The following STT3B variants were observed in gnomAD, a reference collection of about 807,000 sequenced individuals.
The protein encoded by STT3B is STT3 oligosaccharyltransferase complex catalytic subunit B.
STT3B carries 29 observed loss-of-function variants against 96.8 expected under a neutral mutation model. The observed-to-expected ratio is 0.30, with a 90% confidence interval of 0.22 to 0.41. STT3B has a LOEUF of 0.41. Ranked by LOEUF, STT3B falls within the 10% of genes least tolerant of loss-of-function variation. The pLI is 1.00. For missense variants in STT3B, 640 were observed against 1,022.3 expected (o/e 0.63, Z 5.10); for synonymous variants, 367 against 360.0 (o/e 1.02, Z -0.22).
In STT3B at chr3:31,629,645, A is replaced by T. The variant is rs72856088; in HGVS notation, c.2187+234A>T. Among the ~76,000 whole-genome samples the T allele has an allele frequency of 2.6e-3, 403 of 152,324 alleles. 2 individuals carry two copies. The highest frequency in any genetic ancestry group is 9.5e-3 in the African/African-American group (395 of 41,572). ...AACATATTTATTAACAGTAGCCTCA[A>T]ATCCAATCTTTGCTTGCCATCTCAC... is the stretch of plus-strand genomic sequence containing the variant. On this transcript the variant is annotated intron_variant, in intron 14 of 15. Coordinates refer to ENST00000295770, the MANE Select transcript of STT3B (RefSeq NM_178862.3).
rs575954869 is a variant in STT3B, at chr3:31,625,114, A to G, written c.1899+29A>G. Reference sequence around the variant, plus strand: ...AGGATTTACTAAATACAAGGTTAAAAAATCTTTATTCACTCCTTAGCAATC... The same window carrying G: ...AGGATTTACTAAATACAAGGTTAAAGAATCTTTATTCACTCCTTAGCAATC... On this transcript the variant is annotated intron_variant, in intron 12 of 15. Transcript: ENST00000295770. 5 of 1,594,320 alleles carry G rather than the reference A, an allele frequency of 3.1e-6. No homozygotes were observed. The African/African-American group carries it at 6.7e-5, about 21-fold the overall frequency.
chr3:31,584,516 A>G (rs1329508223), intron 3 of STT3B, among the ~76,000 whole-genome samples: 3 of 152,266 alleles, frequency 2.0e-5, no homozygotes, highest in Non-Finnish European at 2.9e-5. Context: ...GTAGAATACA[A>G]TATGGAGCAG....
chr3:31,542,459 G>A (rs1162529841), intron 1 of STT3B, among the ~76,000 whole-genome samples: 1 of 152,148 alleles, frequency 6.6e-6, no homozygotes, highest in Admixed American at 6.5e-5. Context: ...TTGCATTTCT[G>A]TCATAGTTAA....
At chr3:31,566,542 T>C (rs1207899516) in intron 1 of STT3B, among the ~76,000 whole-genome samples, 2 of 152,170 alleles carry the variant, frequency 1.3e-5, no homozygotes, top group African/African-American at 2.4e-5. Flanking sequence ...TTGAACATCT[T>C]TTTCTTCCTT....
chr3:31,596,724 A>T, intron 3 of STT3B, 74 bp from the exon 4 acceptor site: 1 of 1,204,942 alleles, frequency 8.3e-7, no homozygotes, highest in Non-Finnish European at 1.2e-6. Context: ...GTGGTTACCA[A>T]ACATTTAACT....
At chr3:31,628,168 A>G (rs1699574271) in intron 13 of STT3B, among the ~76,000 whole-genome samples, 1 of 150,034 alleles carries the variant, frequency 6.7e-6, no homozygotes, top group Non-Finnish European at 1.5e-5. Context: ...TGCATATTTC[A>G]AAACATGGTG....
chr3:31,533,124 C>T lies in STT3B; in HGVS notation c.126C>T (p.His42=), dbSNP rs1344561144. The part of the protein sequence containing the change: ...GHHGPGAQCA[H]KAAGGAAPPK... ...ACGGGCCCGGGGCCCAGTGCGCGCA[C>T]AAGGCGGCGGGCGGCGCGGCGCCGC... is the stretch of plus-strand genomic sequence containing the variant. The change falls in exon 1 of 16, where the codon CAC becomes CAT. Residue 42 remains histidine, a synonymous_variant. Coordinates refer to ENST00000295770, the MANE Select transcript of STT3B (RefSeq NM_178862.3). 3.8e-6 allele frequency: 5 copies of T among 1,331,014 alleles called. No homozygotes were observed. Among genetic ancestry groups the T allele is most frequent in the Non-Finnish European group, 4.8e-6 (5 of 1,041,282 alleles). The allele number at this position is 1,331,014 out of a possible 1,614,324, so 82.5% of individuals were successfully genotyped here.
intron 1 of STT3B, among the ~76,000 whole-genome samples, chr3:31,544,767 C>G (rs141674444): frequency 7.6e-4 from 116 of 152,152 alleles, no homozygotes; most frequent in South Asian, 1.7e-3. Flanking sequence ...TCCAGACTAG[C>G]CAGTTTGAGA....
chr3:31,580,892 CAA>C (rs932764939), intron 3 of STT3B, among the ~76,000 whole-genome samples: 18 of 148,056 alleles, frequency 1.2e-4, no homozygotes, highest in African/African-American at 4.5e-4. Context: ...CTGTACTTAT[CAA>C]AAAGTGTTTT....
At chr3:31,551,640 G>A (rs917105571) in intron 1 of STT3B, among the ~76,000 whole-genome samples, 3 of 152,148 alleles carry the variant, frequency 2.0e-5, no homozygotes, top group Non-Finnish European at 2.9e-5. Context: ...TTTGGTAGTC[G>A]TATGTGTAAC....
intron 11 of STT3B, among the ~76,000 whole-genome samples, 196 bp downstream of exon 11, chr3:31,624,057 C>G (rs1276715542): frequency 6.6e-6 from 1 of 152,072 alleles, no homozygotes; most frequent in Non-Finnish European, 1.5e-5. Flanking sequence ...TCTTTTGATA[C>G]AGGCATGTGT....
intron 5 of STT3B, among the ~76,000 whole-genome samples, chr3:31,612,203 A>G (rs949542870): frequency 2.0e-5 from 3 of 152,218 alleles, no homozygotes; most frequent in Non-Finnish European, 4.4e-5. Context: ...AGTCCCAAGC[A>G]TTTTAGATAA....
At position 31,555,680 on chromosome 3, in the gene STT3B, G is replaced by T. The variant is rs189745579; in HGVS notation, c.315-20716G>T. On this transcript the variant is annotated intron_variant, in intron 1 of 15. Coordinates refer to ENST00000295770, the MANE Select transcript of STT3B (RefSeq NM_178862.3). ...TTTTACATTATCTTTGTTTTATTAT[G>T]TATTTTTGTGGAACCAGAAAAGTGA... Among the ~76,000 whole-genome samples, 430 of 151,986 alleles carry T rather than the reference G, an allele frequency of 2.8e-3. 4 individuals are homozygous for T. The highest frequency in any genetic ancestry group is 9.8e-3 in the African/African-American group (408 of 41,462).
Position 31,620,892 on chromosome 3 carries a change from C to T in STT3B, c.1327+1062C>T, listed in dbSNP as rs186710343. Among the ~76,000 whole-genome samples, 1,073 of 151,640 alleles carry T rather than the reference C, an allele frequency of 7.1e-3. 11 individuals carry two copies. Among genetic ancestry groups the T allele is most frequent in the African/African-American group, 0.024 (991 of 41,550 alleles). On this transcript the variant is annotated intron_variant, in intron 9 of 15. Transcript: ENST00000295770. ...TAGGGGTTCAGTTTAAAGGATTGCA[C>T]ACTCATTGTTCTCTAGGTTAATGGA...
At chr3:31,565,758 TTAA>T (rs906528404) in intron 1 of STT3B, among the ~76,000 whole-genome samples, 9 of 152,294 alleles carry the variant, frequency 5.9e-5, no homozygotes, top group Admixed American at 3.3e-4. Context: ...CAAGCAGTAC[TTAA>T]TAAAGGTTTC....
intron 1 of STT3B, among the ~76,000 whole-genome samples, chr3:31,562,224 G>A (rs142195523): frequency 0.02 from 3,055 of 152,174 alleles, 55 homozygotes; most frequent in Non-Finnish European, 0.026. Context: ...CAGTAGCAGC[G>A]GTGGACAACT....
intron 5 of STT3B, among the ~76,000 whole-genome samples, chr3:31,607,618 C>G (rs1365813241): frequency 6.6e-6 from 1 of 152,118 alleles, no homozygotes; most frequent in African/African-American, 2.4e-5. Context: ...TCAGGTATGT[C>G]TTTATCAGCA....
chr3:31,558,180 C>T (rs1697770664), intron 1 of STT3B, among the ~76,000 whole-genome samples: 1 of 152,154 alleles, frequency 6.6e-6, no homozygotes, highest in African/African-American at 2.4e-5. Context: ...CTTTTGTCCT[C>T]TTACCTGATT....
At chr3:31,631,192 G>C (rs1699649838) in intron 14 of STT3B, among the ~76,000 whole-genome samples, 2 of 152,116 alleles carry the variant, frequency 1.3e-5, no homozygotes, top group South Asian at 4.1e-4. Flanking sequence ...GTTCCTGTTT[G>C]TTGTGTTGCT....
Sources: gnomAD v4.1 joint callset for allele counts (sites outside exome capture counted in the v4.1 genomes callset) on GRCh38, gnomAD v4.1.1 for gene constraint, MANE v1.5 for transcripts, NCBI Gene and HGNC (gene_info 2026-07-23, HGNC 2026-07-21) for gene names.